The following RELCH variants were observed in gnomAD, a reference collection of about 807,000 sequenced individuals.
RELCH encodes RAB11 binding and LisH domain, coiled-coil and HEAT repeat containing.
RELCH carries 41 observed loss-of-function variants against 150.3 expected under a neutral mutation model. The observed-to-expected ratio is 0.27, with a 90% CI of 0.21 to 0.35. The LOEUF (loss-of-function observed/expected upper bound fraction) is 0.35, where lower values mean the gene tolerates loss of function less well. RELCH is among the 10% of genes least tolerant of loss of function. The pLI, the probability that RELCH is intolerant of heterozygous loss-of-function variation, is 1.00. For synonymous variants in RELCH, 478 were observed against 531.8 expected (o/e 0.90, Z 1.39); for missense variants, 1,092 against 1,467.8 (o/e 0.74, Z 4.18).
At chr18:62,210,315 A>G (rs1336078408) in intron 1 of RELCH, among the ~76,000 whole-genome samples, 1 of 152,074 alleles carries the variant, frequency 6.6e-6, no homozygotes, top group Non-Finnish European at 1.5e-5. Flanking sequence ...TCAGTTGTGG[A>G]TTCCAATTCT....
rs529805030 is a variant in RELCH, at chr18:62,279,621, C to T, written c.2968-153C>T. Among the ~76,000 whole-genome samples the T allele has an allele frequency of 6.6e-5, 10 of 152,278 alleles. No homozygotes were observed. The South Asian group carries it at 2.1e-3, about 32-fold the overall frequency. The stretch of plus-strand genomic sequence containing the variant: ...CTAAGCATTCTCTGCCTTTGTAAAG[C>T]ACTCTAGCAGCAGTATTTGCTTAGC... On this transcript the variant is annotated intron_variant, in intron 22 of 28. Transcript: ENST00000644646.
At position 62,306,754 on chromosome 18, in the gene RELCH, G is replaced by A. The variant is rs915824877; in HGVS notation, c.*1220G>A. On this transcript the variant is annotated 3_prime_UTR_variant, in exon 29 of 29. Transcript: ENST00000644646. ...GCTTGGTTTGAGGGGTTAATGTGAG[G>A]CCTTTTTGAAAAATGAATATTTTGA... The A allele has an allele frequency of 6.6e-6, 1 of 152,566 alleles. No homozygotes were observed. The highest frequency in any genetic ancestry group is 1.5e-5 in the Non-Finnish European group (1 of 68,002). 9.5% of individuals were successfully genotyped at this position (152,566 alleles called of 1,614,324 possible). A position where few individuals can be genotyped will look rare whatever the true frequency, so the allele number is the denominator to read the frequency against.
At position 62,255,432 on chromosome 18, in the gene RELCH, G is replaced by A; in HGVS notation, c.1850G>A (p.Arg617Gln). ...ATTAATCACAAATACCCAGAAAGAC[G>A]ACTGCTTGTGGCAGAATCCTGTGGA... ...EQINHKYPERRLLVAESCGAL... is the reference protein window; with the variant it reads ...EQINHKYPERQLLVAESCGAL... Residue 617 changes from arginine (R) to glutamine (Q), a missense_variant, in exon 13 of 29, where the codon CGA (arginine) becomes CAA (glutamine). Arg to Gln is a conservative substitution (Grantham distance 43). Around this residue, in one of 4 missense-constraint regions of RELCH, gnomAD observed 707 missense variants for 1,025.4 expected, o/e 0.69. Coordinates refer to ENST00000644646, the MANE Select transcript of RELCH (RefSeq NM_001346231.2). 1.9e-6 allele frequency: 3 copies of A among 1,610,080 alleles called. No homozygotes were observed. The highest frequency in any genetic ancestry group is 2.5e-6 in the Non-Finnish European group (3 of 1,178,456).
At chr18:62,274,963 C>A (rs1215177550) in intron 21 of RELCH, among the ~76,000 whole-genome samples, 1 of 152,222 alleles carries the variant, frequency 6.6e-6, no homozygotes, top group Admixed American at 6.5e-5. Flanking sequence ...TGTCACCAGG[C>A]TAGAGTGCAG....
At chr18:62,211,371 T>A (rs1350822680) in intron 2 of RELCH, 129 bp downstream of exon 2, 1 of 510,318 alleles carries the variant, frequency 2.0e-6, no homozygotes, top group Non-Finnish European at 3.4e-6. Context: ...TACAAAGTTA[T>A]GTTACTAATT....
chr18:62,293,457 T>C (rs1192466670), intron 27 of RELCH, among the ~76,000 whole-genome samples: 1 of 152,108 alleles, frequency 6.6e-6, no homozygotes, highest in Non-Finnish European at 1.5e-5. Flanking sequence ...TTTTTGCTCA[T>C]AAAGCCTTCA....
intron 28 of RELCH, among the ~76,000 whole-genome samples, chr18:62,299,659 A>C (rs1181265062): frequency 6.6e-6 from 1 of 152,230 alleles, no homozygotes; most frequent in African/African-American, 2.4e-5. Context: ...GAGGATTAAA[A>C]CAATAGACAC....
chr18:62,301,471 G>A (rs2045661370), intron 28 of RELCH, among the ~76,000 whole-genome samples: 1 of 152,226 alleles, frequency 6.6e-6, no homozygotes. Context: ...AAATAAATGT[G>A]CATGGTTGTG....
chr18:62,221,101 G>T lies in RELCH; in HGVS notation c.681G>T (p.Lys227Asn), dbSNP rs2040839051. 1.2e-6 allele frequency: 2 copies of T among 1,613,240 alleles called. No homozygotes were observed. Among genetic ancestry groups the T allele is most frequent in the Non-Finnish European group, 1.7e-6 (2 of 1,179,500 alleles). Residue 227 changes from lysine (K) to asparagine (N), a missense_variant, in exon 3 of 29, where the codon AAG (lysine) becomes AAT (asparagine). Lys to Asn is a moderately conservative substitution (Grantham distance 94). Around this residue, in one of 4 missense-constraint regions of RELCH, gnomAD observed 190 missense variants for 276.2 expected, o/e 0.69. Coordinates refer to ENST00000644646, the MANE Select transcript of RELCH (RefSeq NM_001346231.2). ...TIQALRANLT[K>N]AAEHEVPLQE... Reference sequence around the variant, plus strand: ...AGGCCCTCCGAGCCAACCTGACAAAGGCCGCAGGTGGTGTACATAAAACTT... The same window carrying T: ...AGGCCCTCCGAGCCAACCTGACAAATGCCGCAGGTGGTGTACATAAAACTT...
At chr18:62,232,282 T>A (rs367908050) in intron 9 of RELCH, 50 bp from the exon 10 acceptor site, 1 of 1,186,776 alleles carries the variant, frequency 8.4e-7, no homozygotes, top group South Asian at 1.2e-5. Context: ...CATATTATTA[T>A]GCACAGAAGT....
intron 10 of RELCH, among the ~76,000 whole-genome samples, chr18:62,237,555 T>C (rs755626729): frequency 6.6e-6 from 1 of 151,950 alleles, no homozygotes; most frequent in East Asian, 1.9e-4. Flanking sequence ...TTACTTTTTA[T>C]ATCATGATAT....
At position 62,221,452 on chromosome 18, in the gene RELCH, C is replaced by T; in HGVS notation, c.813C>T (p.Asn271=). 6.3e-7 allele frequency: 1 copy of T among 1,583,582 alleles called. No homozygotes were observed. Among genetic ancestry groups the T allele is most frequent in the South Asian group, 1.1e-5 (1 of 87,108 alleles). Residue 271 remains asparagine (N), a synonymous_variant, in exon 5 of 29, where the codon AAC becomes AAT. Transcript: ENST00000644646. ...TCAATGAATTTTTATTGAAGAATAA[C>T]TATAAGCTTACATCAATAACCTTTT... ...FLVNEFLLKN[N]YKLTSITFSD... is the part of the protein sequence containing the mutation.
chr18:62,276,367 A>T (rs1568420957), intron 22 of RELCH, among the ~76,000 whole-genome samples: 1 of 152,132 alleles, frequency 6.6e-6, no homozygotes, highest in African/African-American at 2.4e-5. Flanking sequence ...ATTTTTGTTA[A>T]TATTAAACTA....
chr18:62,263,134 G>A (rs1018453420), intron 16 of RELCH, among the ~76,000 whole-genome samples: 4 of 152,020 alleles, frequency 2.6e-5, no homozygotes, highest in African/African-American at 9.7e-5. Flanking sequence ...TACATCTACA[G>A]CAACCCTATT....
chr18:62,193,179 T>G (rs2038775145), intron 1 of RELCH, among the ~76,000 whole-genome samples: 1 of 152,208 alleles, frequency 6.6e-6, no homozygotes, highest in Non-Finnish European at 1.5e-5. Flanking sequence ...TTGTCTGTTG[T>G]TGGTGTGTAG....
rs1208079331 is a variant in RELCH at position 62,267,509 on chromosome 18, TG to T, written c.2680+761del. Among the ~76,000 whole-genome samples, 351 of 142,840 alleles carry T rather than the reference TG, an allele frequency of 2.5e-3. 5 individuals are homozygous for T. The highest frequency in any genetic ancestry group is 4.3e-3 in the Non-Finnish European group (275 of 64,198). 93.7% of individuals were successfully genotyped at this position (142,840 alleles called of 152,430 possible). ...ATGTGTGTGTGTGTGTGTGTGTGTG[TG>T]TGTGTGTGTATACATATATATATAT... On this transcript the variant is annotated intron_variant, in intron 19 of 28. Coordinates refer to ENST00000644646, the MANE Select transcript of RELCH (RefSeq NM_001346231.2).
intron 19 of RELCH, among the ~76,000 whole-genome samples, chr18:62,268,231 A>G (rs929078830): frequency 2.6e-5 from 4 of 152,126 alleles, no homozygotes; most frequent in African/African-American, 9.7e-5. Flanking sequence ...TTGTCCTCTC[A>G]CAACTTTTCT....
chr18:62,214,020 C>T (rs951219812), intron 2 of RELCH, among the ~76,000 whole-genome samples: 1 of 151,532 alleles, frequency 6.6e-6, no homozygotes, highest in East Asian at 1.9e-4. Context: ...ATAGTTTTGG[C>T]CTGTTTTTTT....
At chr18:62,206,682 T>TA (rs929109403) in intron 1 of RELCH, among the ~76,000 whole-genome samples, 7 of 152,202 alleles carry the variant, frequency 4.6e-5, no homozygotes, top group South Asian at 2.1e-4. Flanking sequence ...ATTAGCTGGA[T>TA]AAAAAAAAGT....
Sources: allele counts gnomAD v4.1 joint callset (sites outside exome capture counted in the v4.1 genomes callset), GRCh38; gene constraint gnomAD v4.1.1; regional missense constraint gnomAD v4.1.1; transcripts MANE v1.5; gene names NCBI Gene and HGNC (gene_info 2026-07-23, HGNC 2026-07-21).